GPC6: variants seen among roughly 807,000 people sequenced by gnomAD.
GPC6 encodes glypican 6.
GPC6 carries 14 observed loss-of-function variants against 55.2 expected under a neutral mutation model. The ratio of observed to expected loss-of-function variants is 0.25; its 90% CI spans 0.17 to 0.40. GPC6 has a LOEUF of 0.40. GPC6 is among the 10% of genes least tolerant of loss of function. The pLI is 1.00. For synonymous variants in GPC6, 278 were observed against 259.6 expected (o/e 1.07, Z -0.68); for missense variants, 641 against 708.5 (o/e 0.90, Z 1.08).
chr13:94,134,400 G>A (rs557997910), intron 4 of GPC6, among the ~76,000 whole-genome samples: 5 of 152,138 alleles, frequency 3.3e-5, no homozygotes, highest in Admixed American at 1.3e-4. Flanking sequence ...CCTAGGAAGG[G>A]CCACATTTCC....
intron 1 of GPC6, among the ~76,000 whole-genome samples, chr13:93,423,106 T>A (rs919562573): frequency 5.3e-5 from 8 of 152,172 alleles, no homozygotes; most frequent in African/African-American, 1.4e-4. Flanking sequence ...CTTAACCTCT[T>A]TCAGAGTCCC....
chr13:93,401,327 G>A (rs749653477), intron 1 of GPC6, among the ~76,000 whole-genome samples: 5 of 152,110 alleles, frequency 3.3e-5, no homozygotes, highest in Non-Finnish European at 7.4e-5. Flanking sequence ...GGGAGGGCAG[G>A]GAATGAGCGC....
intron 4 of GPC6, among the ~76,000 whole-genome samples, chr13:94,168,325 C>T (rs1192202566): frequency 6.6e-6 from 1 of 152,200 alleles, no homozygotes; most frequent in East Asian, 1.9e-4. Flanking sequence ...TTTAGGTCAG[C>T]GTGCTCACGC....
intron 3 of GPC6, among the ~76,000 whole-genome samples, chr13:93,839,042 A>G (rs1887850600): frequency 6.6e-6 from 1 of 152,172 alleles, no homozygotes; most frequent in South Asian, 2.1e-4. Context: ...TCCTGAAAGT[A>G]AAGAGAGAGA....
rs191751703 is a variant in GPC6, at chr13:94,365,705, C to T, written c.1153-16709C>T. The stretch of plus-strand genomic sequence containing the variant: ...ATTACTTTTCCAATGTGTGTACATC[C>T]TTGTGGGTACTCTCACTGTTGGATG... On this transcript the variant is annotated intron_variant, in intron 6 of 8. Coordinates refer to ENST00000377047, the MANE Select transcript of GPC6 (RefSeq NM_005708.5). Among the ~76,000 whole-genome samples, 6 of 152,252 alleles carry T rather than the reference C, an allele frequency of 3.9e-5. No individual in the cohort carries two copies. The East Asian group carries it at 9.7e-4, about 25-fold the overall frequency.
At chr13:93,670,817 T>A (rs2139626617) in intron 2 of GPC6, among the ~76,000 whole-genome samples, 3 of 152,358 alleles carry the variant, frequency 2.0e-5, no homozygotes, top group Middle Eastern at 6.8e-3. Flanking sequence ...AAATGTTTAT[T>A]GCCCATTTGC....
In GPC6 at chr13:94,101,131, C is replaced by T. The variant is rs142319047; in HGVS notation, c.877+73237C>T. 1.0e-2 allele frequency among the ~76,000 whole-genome samples: 1,519 copies of T among 152,366 alleles called. 10 individuals carry two copies. The highest frequency in any genetic ancestry group is 0.02 in the Middle Eastern group (6 of 294). On this transcript the variant is annotated intron_variant, in intron 4 of 8. Transcript: ENST00000377047. The stretch of plus-strand genomic sequence containing the variant: ...TCTCTTTCTTTCTGCCCATGCAGTG[C>T]AGCAGCTTTCCCTAGGGCCTATTTA...
intron 6 of GPC6, among the ~76,000 whole-genome samples, chr13:94,331,908 A>G (rs910902395): frequency 6.6e-6 from 1 of 152,248 alleles, no homozygotes; most frequent in Non-Finnish European, 1.5e-5. Context: ...TTCGTCAACT[A>G]AAAACATGTG....
intron 2 of GPC6, among the ~76,000 whole-genome samples, chr13:93,590,413 CTT>C (rs1046874530): frequency 6.6e-6 from 1 of 151,948 alleles, no homozygotes; most frequent in African/African-American, 2.4e-5. Flanking sequence ...GCTACAAAAT[CTT>C]ATATTTTAAA....
intron 4 of GPC6, among the ~76,000 whole-genome samples, chr13:94,207,024 A>G (rs1889925363): frequency 6.6e-6 from 1 of 152,142 alleles, no homozygotes; most frequent in African/African-American, 2.4e-5. Context: ...AGATGACTAG[A>G]GACACCGCTA....
At chr13:93,859,420 A>G (rs1207532852) in intron 3 of GPC6, among the ~76,000 whole-genome samples, 1 of 151,684 alleles carries the variant, frequency 6.6e-6, no homozygotes, top group Non-Finnish European at 1.5e-5. Flanking sequence ...AAATGATTTT[A>G]TAATCTGTAA....
intron 2 of GPC6, among the ~76,000 whole-genome samples, chr13:93,573,457 T>C (rs1876507404): frequency 6.6e-6 from 1 of 152,050 alleles, no homozygotes; most frequent in South Asian, 2.1e-4. Flanking sequence ...ACCTGATGGA[T>C]TTTAATATCT....
At chr13:93,224,551 G>T (rs319518), upstream of GPC6, among the ~76,000 whole-genome samples, 145,499 of 152,262 alleles carry the variant, frequency 0.96, 69,860 homozygotes, top group East Asian at 1. Flanking sequence ...CTACACACAA[G>T]ATGAATACTA....
Position 93,252,412 on chromosome 13 carries a change from C to A in GPC6, c.160+24796C>A, listed in dbSNP as rs1368106362. ...TTTTTCCAATACACTTACTTTTCTTCCTGACTAATTTGATTTGTGCACACT... is the reference window on the plus strand; with the variant it reads ...TTTTTCCAATACACTTACTTTTCTTACTGACTAATTTGATTTGTGCACACT... On this transcript the variant is annotated intron_variant, in intron 1 of 8. Coordinates refer to ENST00000377047, the MANE Select transcript of GPC6 (RefSeq NM_005708.5). Among the ~76,000 whole-genome samples the A allele has an allele frequency of 2.0e-5, 3 of 152,188 alleles. No homozygotes were observed. The East Asian group carries it at 5.8e-4, about 29-fold the overall frequency.
At chr13:94,167,800 A>G (rs1032407798) in intron 4 of GPC6, among the ~76,000 whole-genome samples, 1 of 152,196 alleles carries the variant, frequency 6.6e-6, no homozygotes, top group African/African-American at 2.4e-5. Context: ...GTCATATTTA[A>G]AGGGCTTTGT....
intron 6 of GPC6, among the ~76,000 whole-genome samples, chr13:94,365,575 A>G (rs940891947): frequency 2.6e-5 from 4 of 152,230 alleles, no homozygotes; most frequent in Admixed American, 2.6e-4. Context: ...TGCCTATTCC[A>G]TAAAAGATTT....
At chr13:93,353,015 A>G (rs1880687259) in intron 1 of GPC6, among the ~76,000 whole-genome samples, 1 of 152,140 alleles carries the variant, frequency 6.6e-6, no homozygotes, top group South Asian at 2.1e-4. Context: ...GTGGCTTCGG[A>G]TAGGGTAGTA....
chr13:93,650,037 G>T (rs1880339007), intron 2 of GPC6, among the ~76,000 whole-genome samples: 1 of 152,110 alleles, frequency 6.6e-6, no homozygotes, highest in Non-Finnish European at 1.5e-5. Flanking sequence ...AAATGGAAAT[G>T]AAAATACTTG....
chr13:93,922,144 G>T (rs1165825632), intron 3 of GPC6, among the ~76,000 whole-genome samples: 1 of 152,136 alleles, frequency 6.6e-6, no homozygotes, highest in African/African-American at 2.4e-5. Flanking sequence ...GTGGGAAAGA[G>T]ATAGAGTATT....
Sources: allele counts gnomAD v4.1 joint callset (sites outside exome capture counted in the v4.1 genomes callset), GRCh38; gene constraint gnomAD v4.1.1; transcripts MANE v1.5; gene names NCBI Gene and HGNC (gene_info 2026-07-23, HGNC 2026-07-21).